Variants in CNBD1 observed in about 807,000 individuals in gnomAD.
The protein encoded by CNBD1 is cyclic nucleotide-binding domain-containing protein 1.
In CNBD1, 71 loss-of-function variants were observed where a neutral mutation model predicts 54.4. The observed-to-expected ratio is 1.30, with a 90% CI of 1.08 to 1.59. The LOEUF (loss-of-function observed/expected upper bound fraction) is 1.59, where lower values mean the gene tolerates loss of function less well. Ranked by LOEUF, CNBD1 falls within the 40% of genes most tolerant of loss-of-function variation. The pLI is 0.00. For missense variants in CNBD1, 659 were observed against 518.0 expected (o/e 1.27, Z -2.64); for synonymous variants, 182 against 170.7 (o/e 1.07, Z -0.51).
chr8:87,173,878 G>A (rs941644759), intron 4 of CNBD1, among the ~76,000 whole-genome samples: 6 of 151,328 alleles, frequency 4.0e-5, no homozygotes, highest in South Asian at 2.1e-4. Context: ...CCTTCTCTTC[G>A]GGGCCAATAA....
chr8:87,418,728 A>T (rs974050347), intron 2 of CNBD1, among the ~76,000 whole-genome samples: 3 of 151,984 alleles, frequency 2.0e-5, no homozygotes, highest in Non-Finnish European at 4.4e-5. Flanking sequence ...TCAAAGTGGG[A>T]GAAAAACAAG....
chr8:87,340,875 C>T (rs773952763), intron 8 of CNBD1, among the ~76,000 whole-genome samples: 1 of 151,884 alleles, frequency 6.6e-6, no homozygotes, highest in Non-Finnish European at 1.5e-5. Context: ...CCTATACCGC[C>T]ATTTCTTTAG....
Position 87,266,438 on chromosome 8 carries a change from CTTTTTTTTTTTTTT to C in CNBD1, c.772-18223_772-18210del, listed in dbSNP as rs72293236. Among the ~76,000 whole-genome samples the C allele has an allele frequency of 1.6e-4, 8 of 50,120 alleles. No homozygotes were observed. The East Asian group carries it at 2.1e-3, about 13-fold the overall frequency. 32.9% of individuals were successfully genotyped at this position (50,120 alleles called of 152,430 possible). ...GGTCCAAGTAAAAAAAAAAAAAAAT[CTTTTTTTTTTTTTT>C]TTTTTTTTTTTTTTTTGAGACAGAG... On this transcript the variant is annotated intron_variant, in intron 6 of 10. Transcript: ENST00000518476.
chr8:87,392,624 G>A (rs932469496), intron 2 of CNBD1, among the ~76,000 whole-genome samples: 7 of 151,866 alleles, frequency 4.6e-5, no homozygotes, highest in Admixed American at 1.3e-4. Context: ...TCAGAAAGTC[G>A]ATTAGCTGTT....
intron 8 of CNBD1, among the ~76,000 whole-genome samples, chr8:87,334,468 T>G (rs1174057656): frequency 6.6e-6 from 1 of 152,074 alleles, no homozygotes; most frequent in Non-Finnish European, 1.5e-5. Context: ...CATTATGATA[T>G]TAGGGTGTTG....
chr8:87,311,683 A>G (rs1041895065), intron 8 of CNBD1, among the ~76,000 whole-genome samples: 1 of 152,144 alleles, frequency 6.6e-6, no homozygotes, highest in Non-Finnish European at 1.5e-5. Flanking sequence ...TAGCAAATAT[A>G]TGAAATCAAT....
Position 87,209,553 on chromosome 8 carries a change from A to C in CNBD1, c.577+3415A>C, listed in dbSNP as rs933059831. On this transcript the variant is annotated intron_variant, in intron 5 of 10. Transcript: ENST00000518476. ...TAATAAATAGAAAGCTGTGCTTTCT[A>C]TGCTCATGGGTTGAAAAAATTAATA... 1.1e-4 allele frequency among the ~76,000 whole-genome samples: 17 copies of C among 152,288 alleles called. 1 individual carries two copies. The highest frequency in any genetic ancestry group is 3.6e-4 in the African/African-American group (15 of 41,566).
chr8:87,332,891 T>A (rs1281036623), intron 8 of CNBD1, among the ~76,000 whole-genome samples: 1 of 152,120 alleles, frequency 6.6e-6, no homozygotes, highest in Non-Finnish European at 1.5e-5. Context: ...TTAAAGTAGT[T>A]TTTTCTAATT....
At chr8:87,223,716 C>T (rs1241081753) in intron 5 of CNBD1, among the ~76,000 whole-genome samples, 3 of 151,976 alleles carry the variant, frequency 2.0e-5, no homozygotes, top group Non-Finnish European at 4.4e-5. Context: ...GTGCATGTGT[C>T]TTTATAGCAG....
rs573465471 is a variant in CNBD1 at position 87,034,489 on chromosome 8, T to A, written c.431+94735T>A. On this transcript the variant is annotated intron_variant, in intron 4 of 10. Transcript: ENST00000518476. ...TACAGTAGCATGGTATGTACTACAG[T>A]TAATTTTATACAGTTAAAATTTAAT... Among the ~76,000 whole-genome samples the A allele has an allele frequency of 2.1e-3, 315 of 152,356 alleles. 1 individual carries two copies. The highest frequency in any genetic ancestry group is 7.4e-3 in the African/African-American group (309 of 41,586).
intron 5 of CNBD1, among the ~76,000 whole-genome samples, chr8:87,227,325 C>G (rs1203201573): frequency 3.4e-5 from 5 of 146,844 alleles, no homozygotes; most frequent in Admixed American, 6.8e-5. Context: ...GATGCAGTTT[C>G]TTCCTAGTCT....
intron 10 of CNBD1, among the ~76,000 whole-genome samples, chr8:87,366,279 A>G (rs1563571482): frequency 6.6e-6 from 1 of 152,086 alleles, no homozygotes; most frequent in Non-Finnish European, 1.5e-5. Context: ...GCTGTGGAGA[A>G]GAGGTCACCT....
At chr8:87,323,397 G>C (rs1377712118) in intron 8 of CNBD1, among the ~76,000 whole-genome samples, 1 of 140,088 alleles carries the variant, frequency 7.1e-6, no homozygotes, top group African/African-American at 2.7e-5. Flanking sequence ...ACCTTGGGCA[G>C]TACGGCCATT....
At position 86,970,253 on chromosome 8, in the gene CNBD1, A is replaced by G. The variant is rs1211961010; in HGVS notation, c.431+30499A>G. ...TTACTAAATATCCCTCTAATAAGCT[A>G]TCTTTCCCTACTCCTTCTGGAATTT... On this transcript the variant is annotated intron_variant, in intron 4 of 10. Transcript: ENST00000518476. 4.6e-5 allele frequency among the ~76,000 whole-genome samples: 7 copies of G among 152,166 alleles called. No individual in the cohort carries two copies. The South Asian group carries it at 6.2e-4, about 14-fold the overall frequency.
intron 5 of CNBD1, among the ~76,000 whole-genome samples, chr8:87,209,472 A>T (rs953378347): frequency 6.6e-6 from 1 of 152,176 alleles, no homozygotes; most frequent in Non-Finnish European, 1.5e-5. Context: ...CAAGGAAGTG[A>T]AAGACCTGTA....
At chr8:87,098,731 A>G (rs1811365001) in intron 4 of CNBD1, among the ~76,000 whole-genome samples, 1 of 104,168 alleles carries the variant, frequency 9.6e-6, no homozygotes, top group Admixed American at 8.9e-5. Flanking sequence ...GGAACATAGT[A>G]ATAAAAAAAA....
intron 4 of CNBD1, among the ~76,000 whole-genome samples, chr8:87,135,150 T>C (rs1479738990): frequency 2.6e-5 from 4 of 152,092 alleles, no homozygotes; most frequent in Admixed American, 1.3e-4. Context: ...AAAACTACTC[T>C]TATACCACAT....
At chr8:86,940,132 C>CATTTTTTT (rs34011702) in intron 4 of CNBD1, among the ~76,000 whole-genome samples, 2 of 88,742 alleles carry the variant, frequency 2.3e-5, no homozygotes, top group Admixed American at 1.6e-4. Context: ...CCACATGTTA[C>CATTTTTTT]TTTTTTTTTT....
At chr8:87,302,212 T>C (rs1167926345) in intron 8 of CNBD1, among the ~76,000 whole-genome samples, 1 of 152,176 alleles carries the variant, frequency 6.6e-6, no homozygotes, top group Non-Finnish European at 1.5e-5. Flanking sequence ...CCAATATCCC[T>C]GATGAACATC....
Sources: allele counts gnomAD v4.1 joint callset (sites outside exome capture counted in the v4.1 genomes callset), GRCh38; gene constraint gnomAD v4.1.1; transcripts MANE v1.5; gene names NCBI Gene and HGNC (gene_info 2026-07-23, HGNC 2026-07-21).